Variants in PDGFRL observed in about 807,000 individuals in gnomAD.
The protein encoded by PDGFRL is platelet-derived growth factor receptor-like protein.
A neutral mutation model predicts 37.2 loss-of-function variants in PDGFRL; 46 were observed. That is an observed-to-expected ratio of 1.24 (90% confidence interval 0.98 to 1.58). PDGFRL has a LOEUF of 1.58. Ranked by LOEUF, PDGFRL falls within the 40% of genes most tolerant of loss-of-function variation. The pLI is 0.00. For missense variants in PDGFRL, 692 were observed against 467.6 expected, an observed-to-expected ratio of 1.48 and a Z score of -4.43; for synonymous variants, 251 against 184.3, an observed-to-expected ratio of 1.36 and a Z score of -2.93.
intron 2 of PDGFRL, among the ~76,000 whole-genome samples, chr8:17,592,911 TACATGCACACACACACACAC>T (rs1274700173): frequency 6.8e-6 from 1 of 148,082 alleles, no homozygotes; most frequent in Non-Finnish European, 1.5e-5. Context: ...TAAACCCACA[TACATGCACACACACACACAC>T]ACACACACAC....
intron 2 of PDGFRL, among the ~76,000 whole-genome samples, chr8:17,592,723 C>G (rs946726230): frequency 2.0e-5 from 3 of 152,190 alleles, no homozygotes; most frequent in Admixed American, 6.5e-5. Context: ...GCAGGCCCCC[C>G]CAGCTATGTG....
At chr8:17,576,578 C>G (rs1803584700), upstream of PDGFRL, 1 of 234,768 alleles carries the variant, frequency 4.3e-6, no homozygotes, top group African/African-American at 2.3e-5. Context: ...CGTGCTTACC[C>G]TAATTCCCTG....
At chr8:17,583,813 C>G (rs778189553) in intron 1 of PDGFRL, among the ~76,000 whole-genome samples, 9 of 152,160 alleles carry the variant, frequency 5.9e-5, no homozygotes, top group Admixed American at 1.3e-4. Flanking sequence ...TGCTTCTTCT[C>G]TCTCCATGTG....
chr8:17,627,851 G>A (rs1422157102), intron 3 of PDGFRL, among the ~76,000 whole-genome samples: 1 of 151,858 alleles, frequency 6.6e-6, no homozygotes, highest in East Asian at 1.9e-4. Flanking sequence ...AAGAAGTAAG[G>A]CTGGGCATGT....
At position 17,596,302 on chromosome 8, in the gene PDGFRL, A is replaced by G. The variant is rs2246504; in HGVS notation, c.353+6537A>G. On this transcript the variant is annotated intron_variant, in intron 2 of 5. Coordinates refer to ENST00000251630, the MANE Select transcript of PDGFRL (RefSeq NM_001372073.1). ...TGGCCCACTGGCCAGATCGGCTGCC[A>G]GGCTGCTCACAGGCACATGGGCTGC... is the stretch of plus-strand genomic sequence containing the variant. The G allele has an allele frequency of 0.041, 49,032 of 1,189,272 alleles. 7,512 individuals carry two copies. The African/African-American group carries it at 0.44, about 11-fold the overall frequency. The allele number at this position is 1,189,272 out of a possible 1,614,324, so 73.7% of individuals were successfully genotyped here.
intron 4 of PDGFRL, among the ~76,000 whole-genome samples, chr8:17,630,976 C>A (rs1257096532): frequency 6.6e-6 from 1 of 152,088 alleles, no homozygotes; most frequent in Non-Finnish European, 1.5e-5. Context: ...TCTACCTGAT[C>A]ACCTGACTCC....
intron 5 of PDGFRL, among the ~76,000 whole-genome samples, chr8:17,638,776 T>TATATATATATATATATATATATAA (rs1563532521): frequency 2.8e-5 from 3 of 106,022 alleles, no homozygotes; most frequent in East Asian, 2.8e-4. Context: ...TATATATATA[T>TATATATATATATATATATATATAA]ATATATATAT....
chr8:17,611,024 G>C (rs532224531), intron 2 of PDGFRL, among the ~76,000 whole-genome samples: 36 of 152,212 alleles, frequency 2.4e-4, no homozygotes, highest in Non-Finnish European at 4.6e-4. Context: ...CATTCATTTG[G>C]TTAGGACTTA....
chr8:17,633,662 G>T (rs111732680), intron 4 of PDGFRL, among the ~76,000 whole-genome samples: 3 of 152,192 alleles, frequency 2.0e-5, no homozygotes, highest in South Asian at 2.1e-4. Context: ...TAGATTTTCT[G>T]TTCGTCTTCT....
At chr8:17,621,305 A>G (rs1038146752) in intron 3 of PDGFRL, 103 bp downstream of exon 3, 2 of 701,008 alleles carry the variant, frequency 2.9e-6, no homozygotes, top group Non-Finnish European at 4.7e-6. Context: ...TGACAATCAG[A>G]GCACTTCCTG....
chr8:17,623,773 C>A (rs1804680202), intron 3 of PDGFRL, among the ~76,000 whole-genome samples: 1 of 151,448 alleles, frequency 6.6e-6, no homozygotes, highest in Admixed American at 6.6e-5. Flanking sequence ...GCTCAGGAGG[C>A]TGAAGCAGGA....
chr8:17,619,963 C>T (rs925969772), intron 2 of PDGFRL, among the ~76,000 whole-genome samples: 32 of 152,078 alleles, frequency 2.1e-4, no homozygotes, highest in African/African-American at 7.2e-4. Context: ...TTATCAGAAA[C>T]GTACTCTTTA....
intron 3 of PDGFRL, among the ~76,000 whole-genome samples, chr8:17,626,682 G>C (rs766946140): frequency 2.6e-5 from 4 of 152,112 alleles, no homozygotes; most frequent in Non-Finnish European, 4.4e-5. Flanking sequence ...TGCAAATACT[G>C]TAATATTCCC....
At chr8:17,595,961 C>G (rs963597541) in intron 2 of PDGFRL, among the ~76,000 whole-genome samples, 1 of 152,216 alleles carries the variant, frequency 6.6e-6, no homozygotes, top group African/African-American at 2.4e-5. Context: ...GGTTGAGCCT[C>G]CAGTGGGTGA....
intron 1 of PDGFRL, among the ~76,000 whole-genome samples, chr8:17,585,573 T>A (rs1205836954): frequency 6.6e-6 from 1 of 152,160 alleles, no homozygotes; most frequent in Non-Finnish European, 1.5e-5. Flanking sequence ...CATCTCTCAG[T>A]GTATATAACT....
At chr8:17,583,584 A>T (rs1377332830) in intron 1 of PDGFRL, among the ~76,000 whole-genome samples, 2 of 152,126 alleles carry the variant, frequency 1.3e-5, no homozygotes, top group African/African-American at 2.4e-5. Flanking sequence ...CAATGCTATG[A>T]TTTGGATATT....
At chr8:17,631,770 C>A (rs144377269) in intron 4 of PDGFRL, among the ~76,000 whole-genome samples, 1 of 152,114 alleles carries the variant, frequency 6.6e-6, no homozygotes, top group Admixed American at 6.5e-5. Context: ...TCTGCCCTGG[C>A]TCCATTTTTC....
intron 2 of PDGFRL, among the ~76,000 whole-genome samples, chr8:17,613,121 G>T (rs1473707089): frequency 1.3e-5 from 2 of 151,984 alleles, no homozygotes; most frequent in Non-Finnish European, 2.9e-5. Flanking sequence ...CATTTTTTAC[G>T]ATCACTGTCA....
chr8:17,613,431 A>T (rs1804461839), intron 2 of PDGFRL, among the ~76,000 whole-genome samples: 1 of 152,178 alleles, frequency 6.6e-6, no homozygotes, highest in African/African-American at 2.4e-5. Context: ...ATGAAAAGGG[A>T]AGGGGGACTT....
Sources: gnomAD v4.1 joint callset for allele counts (sites outside exome capture counted in the v4.1 genomes callset) on GRCh38, gnomAD v4.1.1 for gene constraint, MANE v1.5 for transcripts, NCBI Gene and HGNC (gene_info 2026-07-23, HGNC 2026-07-21) for gene names.